KMO: variants seen among roughly 807,000 people sequenced by gnomAD.
KMO encodes kynurenine 3-monooxygenase.
KMO carries 24 observed loss-of-function variants against 57.8 expected under a neutral mutation model. The ratio of observed to expected loss-of-function variants is 0.42; its 90% CI spans 0.30 to 0.58. The LOEUF (loss-of-function observed/expected upper bound fraction) is 0.58, where lower values mean the gene tolerates loss of function less well. Among genes scored for constraint, KMO ranks in the 20% least tolerant of loss-of-function variants. KMO has a pLI of 0.22. For missense variants in KMO, 483 were observed against 588.2 expected (o/e 0.82, Z 1.85); for synonymous variants, 210 against 193.6 (o/e 1.08, Z -0.70).
chr1:241,578,958 T>C (rs1185491558), intron 10 of KMO, among the ~76,000 whole-genome samples: 1 of 152,080 alleles, frequency 6.6e-6, no homozygotes, highest in African/African-American at 2.4e-5. Flanking sequence ...TCAGATCTCA[T>C]GAGACTTATT....
chr1:241,565,608 C>T (rs113530328), intron 8 of KMO, among the ~76,000 whole-genome samples: 4,530 of 150,920 alleles, frequency 0.03, 105 homozygotes, highest in South Asian at 0.051. Context: ...CGTGCATCCC[C>T]AACTACTCAG....
chr1:241,594,582 A>G lies in KMO; in HGVS notation c.*2429A>G. The G allele has an allele frequency of 1.2e-6, 2 of 1,614,168 alleles. No homozygotes were observed. Among genetic ancestry groups the G allele is most frequent in the South Asian group, 1.1e-5 (1 of 91,086 alleles). ...TGGCCTGTCCCCATCTTTCTGTGAC[A>G]TCACAATGGGTCTGATCTGCATTTC... is the stretch of plus-strand genomic sequence containing the variant. On this transcript the variant is annotated 3_prime_UTR_variant, in exon 15 of 15. Transcript: ENST00000366559.
At position 241,589,996 on chromosome 1, in the gene KMO, A is replaced by G. The variant is rs1324289577; in HGVS notation, c.1099-16A>G. 6.9e-6 allele frequency: 11 copies of G among 1,595,444 alleles called. No homozygotes were observed. In the Admixed American group the frequency reaches 1.0e-4, roughly 15 times the overall value. ...TATTTGTTCAAAAGCGTTCTTTAAG[A>G]CTGTCATTATTGCAGATGCGAGCAC... On this transcript the variant is annotated splice_polypyrimidine_tract_variant and intron_variant, in intron 12 of 14. Transcript: ENST00000366559.
At chr1:241,579,847 C>G (rs538488523) in intron 10 of KMO, among the ~76,000 whole-genome samples, 1 of 152,276 alleles carries the variant, frequency 6.6e-6, no homozygotes, top group South Asian at 2.1e-4. Flanking sequence ...CTTCTCTCAA[C>G]CTGTGACTGC....
chr1:241,586,491 C>T (rs966614298), intron 10 of KMO, 188 bp from the exon 11 acceptor site: 4 of 554,278 alleles, frequency 7.2e-6, no homozygotes, highest in Non-Finnish European at 9.8e-6. Context: ...TGAGCCATCA[C>T]GTCCAGGCCC....
intron 10 of KMO, among the ~76,000 whole-genome samples, chr1:241,584,374 A>G (rs992655892): frequency 6.6e-6 from 1 of 152,230 alleles, no homozygotes; most frequent in Non-Finnish European, 1.5e-5. Context: ...GATGTGGAGA[A>G]ATAGGAACAC....
chr1:241,562,929 A>C (rs1264061613), intron 7 of KMO, among the ~76,000 whole-genome samples: 59 of 65,604 alleles, frequency 9.0e-4, no homozygotes, highest in East Asian at 2.0e-3. Flanking sequence ...GAAGGAAGGA[A>C]GGAAGGAAGG....
chr1:241,532,506 T>C lies in KMO; in HGVS notation c.54+8T>C, dbSNP rs1217721621. 9.4e-6 allele frequency: 15 copies of C among 1,597,760 alleles called. No individual in the cohort carries two copies. Among genetic ancestry groups the C allele is most frequent in the Non-Finnish European group, 1.3e-5 (15 of 1,169,942 alleles). Reference sequence around the variant, plus strand: ...GTCATTGGTGGTGGCTTGGTAAGAATTTTCAGATGGATTACTATTGTTGGT... The same window carrying C: ...GTCATTGGTGGTGGCTTGGTAAGAACTTTCAGATGGATTACTATTGTTGGT... On this transcript the variant is annotated splice_region_variant and intron_variant, in intron 1 of 14. Transcript: ENST00000366559.
At chr1:241,575,259 T>C (rs1278729273) in intron 10 of KMO, among the ~76,000 whole-genome samples, 10 of 152,096 alleles carry the variant, frequency 6.6e-5, no homozygotes. Flanking sequence ...TGTTTCAAAT[T>C]CATTTAGTTC....
chr1:241,555,045 A>T (rs1661561208), intron 4 of KMO, among the ~76,000 whole-genome samples: 1 of 152,048 alleles, frequency 6.6e-6, no homozygotes, highest in African/African-American at 2.4e-5. Context: ...AGGGAGGGTC[A>T]GCTTTGCTGA....
chr1:241,537,073 A>G (rs539234329), intron 1 of KMO, among the ~76,000 whole-genome samples: 11 of 152,182 alleles, frequency 7.2e-5, no homozygotes, highest in Non-Finnish European at 1.2e-4. Context: ...TGGAAAAAAC[A>G]TTATTCATTG....
intron 7 of KMO, among the ~76,000 whole-genome samples, chr1:241,563,936 G>A (rs989798221): frequency 1.3e-5 from 2 of 152,050 alleles, no homozygotes; most frequent in African/African-American, 4.8e-5. Flanking sequence ...TTGGGTAAAT[G>A]GCTTTCTACC....
In KMO at chr1:241,544,951, T is replaced by C. The variant is rs377032068; in HGVS notation, c.55-3878T>C. 2.0e-4 allele frequency among the ~76,000 whole-genome samples: 31 copies of C among 152,310 alleles called. No homozygotes were observed. The South Asian group carries it at 5.0e-3, about 24-fold the overall frequency. ...GGCCTCCATACTCAAAAGTGGTTCATTAAACATTGATACATTTATACCTTT... is the reference window on the plus strand; with the variant it reads ...GGCCTCCATACTCAAAAGTGGTTCACTAAACATTGATACATTTATACCTTT... On this transcript the variant is annotated intron_variant, in intron 1 of 14. Transcript: ENST00000366559.
chr1:241,557,823 A>C (rs978041501), intron 5 of KMO, among the ~76,000 whole-genome samples: 1 of 152,186 alleles, frequency 6.6e-6, no homozygotes, highest in South Asian at 2.1e-4. Flanking sequence ...AAAAATCAAA[A>C]CAAAACAACA....
chr1:241,568,390 C>G (rs935046476), intron 9 of KMO, 110 bp from the exon 10 acceptor site: 1 of 1,088,818 alleles, frequency 9.2e-7, no homozygotes, highest in Non-Finnish European at 1.4e-6. Context: ...TCTTGGCATT[C>G]TTGTTTTTCA....
chr1:241,552,661 A>G lies in KMO; in HGVS notation c.312+1617A>G, dbSNP rs1039385360. Reference sequence around the variant, plus strand: ...CAGACAACACTCACTCAAAAGATGCATGGGTCTGCTGAAGACCTACGGGTC... The same window carrying G: ...CAGACAACACTCACTCAAAAGATGCGTGGGTCTGCTGAAGACCTACGGGTC... On this transcript the variant is annotated intron_variant, in intron 4 of 14. Transcript: ENST00000366559. 1.2e-4 allele frequency among the ~76,000 whole-genome samples: 19 copies of G among 152,278 alleles called. No individual in the cohort carries two copies. The East Asian group carries it at 3.7e-3, about 29-fold the overall frequency.
chr1:241,566,405 A>C, intron 8 of KMO, 86 bp from the exon 9 acceptor site: 1 of 1,384,196 alleles, frequency 7.2e-7, no homozygotes, highest in East Asian at 2.4e-5. Context: ...TGGTCACAGC[A>C]AGAAGTCTTG....
intron 1 of KMO, among the ~76,000 whole-genome samples, chr1:241,542,495 T>G (rs1339407436): frequency 6.6e-6 from 1 of 152,224 alleles, no homozygotes; most frequent in Non-Finnish European, 1.5e-5. Context: ...TTCATAAAAA[T>G]GTTTAATTTG....
chr1:241,571,864 C>CTTTTT (rs34450394), intron 10 of KMO, among the ~76,000 whole-genome samples: 22 of 96,508 alleles, frequency 2.3e-4, no homozygotes, highest in Non-Finnish European at 3.6e-4. Flanking sequence ...ATATTAGTTC[C>CTTTTT]TTTTTTTTTT....
Sources: gnomAD v4.1 joint callset for allele counts (sites outside exome capture counted in the v4.1 genomes callset) on GRCh38, gnomAD v4.1.1 for gene constraint, MANE v1.5 for transcripts, NCBI Gene and HGNC (gene_info 2026-07-23, HGNC 2026-07-21) for gene names.